GABARAPL1: variants seen among roughly 807,000 people sequenced by gnomAD.
GABARAPL1 encodes the protein gamma-aminobutyric acid receptor-associated protein-like 1.
A neutral mutation model predicts 14.5 loss-of-function variants in GABARAPL1; 4 were observed. That is an observed-to-expected ratio of 0.28 (90% CI 0.14 to 0.63). GABARAPL1 has a LOEUF of 0.63. GABARAPL1 is among the 30% of genes least tolerant of loss of function. GABARAPL1 has a pLI of 0.84. For missense variants in GABARAPL1, 82 were observed against 139.2 expected, an observed-to-expected ratio of 0.59 and a Z score of 2.07; for synonymous variants, 47 against 50.6, an observed-to-expected ratio of 0.93 and a Z score of 0.30.
chr12:10,221,619 CAG>C (rs551136650), intron 3 of GABARAPL1, 166 bp from the exon 4 acceptor site: 151 of 497,664 alleles, frequency 3.0e-4, no homozygotes, highest in African/African-American at 2.6e-3. Flanking sequence ...TTTGTGAACT[CAG>C]AGCTCAAAGT....
rs201159918 is a variant in GABARAPL1, at chr12:10,220,528, C to T, written c.258C>T (p.Pro86=). 1.2e-6 allele frequency: 2 copies of T among 1,614,072 alleles called. No homozygotes were observed. The highest frequency in any genetic ancestry group is 1.7e-6 in the Non-Finnish European group (2 of 1,180,010). The change falls in exon 3 of 4, where the codon CCC becomes CCT. Residue 86 remains proline, a synonymous_variant. Transcript: ENST00000266458. ...LFFFVNNTIP[P]TSATMGQLYE... is the part of the protein sequence containing the mutation. ...TCTTTGTCAACAACACCATCCCTCC[C>T]ACCAGTGCTACCATGGGCCAACTGT...
At chr12:10,221,494 G>A (rs1469741715) in intron 3 of GABARAPL1, 1 of 902,668 alleles carries the variant, frequency 1.1e-6, no homozygotes, top group East Asian at 1.2e-4. Flanking sequence ...ATATCCATCT[G>A]TGGTATCTAT....
At chr12:10,215,509 C>G (rs1949082407) in intron 1 of GABARAPL1, among the ~76,000 whole-genome samples, 1 of 152,156 alleles carries the variant, frequency 6.6e-6, no homozygotes, top group Admixed American at 6.6e-5. Context: ...GCATCTAGCC[C>G]AGGGGTCTAC....
At chr12:10,213,260 CGCGGGG>C in intron 1 of GABARAPL1, 41 bp downstream of exon 1, 3 of 1,082,204 alleles carry the variant, frequency 2.8e-6, no homozygotes, top group Non-Finnish European at 4.1e-6. Flanking sequence ...GGGAAGGGCC[CGCGGGG>C]GCGGGGGCGG....
Position 10,212,939 on chromosome 12 carries a change from C to T in GABARAPL1, c.-191C>T. The T allele has an allele frequency of 3.5e-6, 2 of 576,756 alleles. No individual in the cohort carries two copies. The highest frequency in any genetic ancestry group is 3.1e-5 in the Admixed American group (1 of 32,080). 35.7% of individuals were successfully genotyped at this position (576,756 alleles called of 1,614,324 possible). A position where few individuals can be genotyped will look rare whatever the true frequency, so the allele number is the denominator to read the frequency against. ...ATTTCTCCATCTGGCTCTCCTCTAC[C>T]TCCAGGCAGGCTCACCCGAGATCCC... On this transcript the variant is annotated 5_prime_UTR_variant, in exon 1 of 4. Transcript: ENST00000266458.
intron 1 of GABARAPL1, among the ~76,000 whole-genome samples, chr12:10,215,455 G>C (rs779241973): frequency 6.6e-6 from 1 of 152,130 alleles, no homozygotes; most frequent in African/African-American, 2.4e-5. Flanking sequence ...CTGAGTATTA[G>C]TCACATTTTA....
chr12:10,218,795 G>A (rs903185511), intron 2 of GABARAPL1, among the ~76,000 whole-genome samples: 8 of 151,294 alleles, frequency 5.3e-5, no homozygotes, highest in Admixed American at 6.6e-5. Context: ...TGCAACCTCC[G>A]TCTCCTGGAT....
chr12:10,220,527 C>G lies in GABARAPL1; in HGVS notation c.257C>G (p.Pro86Arg), dbSNP rs1490903180. The G allele has an allele frequency of 1.2e-6, 2 of 1,614,048 alleles. No homozygotes were observed. Among genetic ancestry groups the G allele is most frequent in the South Asian group, 2.2e-5 (2 of 91,068 alleles). The change falls in exon 3 of 4, where the codon CCC becomes CGC. Residue 86 changes from proline to arginine, a missense_variant. Physicochemically the swap from Pro to Arg is moderately radical, Grantham distance 103 (BLOSUM62 -2). Transcript: ENST00000266458. ...TTCTTTGTCAACAACACCATCCCTC[C>G]CACCAGTGCTACCATGGGCCAACTG... ...LFFFVNNTIP[P>R]TSATMGQLYE...
At chr12:10,219,746 A>T (rs1353974006) in intron 2 of GABARAPL1, among the ~76,000 whole-genome samples, 2 of 152,132 alleles carry the variant, frequency 1.3e-5, no homozygotes, top group East Asian at 3.9e-4. Context: ...GATTGCAGTG[A>T]GCCGAGATTT....
intron 1 of GABARAPL1, 186 bp downstream of exon 1, chr12:10,213,405 C>T: frequency 1.5e-6 from 1 of 674,452 alleles, no homozygotes; most frequent in Non-Finnish European, 2.7e-6. Context: ...TTTTAAAACC[C>T]CGTATGCCTG....
At chr12:10,213,432 TC>T (rs1480548282) in intron 1 of GABARAPL1, 1 of 616,298 alleles carries the variant, frequency 1.6e-6, no homozygotes, top group Non-Finnish European at 3.0e-6. Flanking sequence ...GAACCCCACT[TC>T]AGGGCTGACG....
At chr12:10,220,725 T>C (rs7301041) in intron 3 of GABARAPL1, 167 bp downstream of exon 3, 1 of 1,527,624 alleles carries the variant, frequency 6.5e-7, no homozygotes, top group African/African-American at 1.4e-5. Flanking sequence ...ATTAGATACC[T>C]CTTGTTTTTT....
chr12:10,217,919 G>A, intron 1 of GABARAPL1, 144 bp from the exon 2 acceptor site: 1 of 625,812 alleles, frequency 1.6e-6, no homozygotes, highest in South Asian at 1.8e-5. Context: ...TTTTATAAGG[G>A]GTGGGGGGAT....
chr12:10,216,710 T>C (rs1949092164), intron 1 of GABARAPL1, among the ~76,000 whole-genome samples: 1 of 151,910 alleles, frequency 6.6e-6, no homozygotes, highest in Non-Finnish European at 1.5e-5. Context: ...CTGGCTAATT[T>C]TGTATTTTTA....
chr12:10,213,392 A>G, intron 1 of GABARAPL1, 173 bp downstream of exon 1: 1 of 687,092 alleles, frequency 1.5e-6, no homozygotes, highest in Non-Finnish European at 2.7e-6. Flanking sequence ...CAGACTGTAG[A>G]GCTTTTAAAA....
At chr12:10,221,455 A>G (rs61918138) in intron 3 of GABARAPL1, 21,291 of 929,068 alleles carry the variant, frequency 0.023, 291 homozygotes, top group South Asian at 0.056. Context: ...TGCATAGCAT[A>G]TATTCCCTGT....
chr12:10,216,598 G>C (rs908027108), intron 1 of GABARAPL1, among the ~76,000 whole-genome samples: 1 of 141,990 alleles, frequency 7.0e-6, no homozygotes, highest in Admixed American at 7.4e-5. Context: ...GGAGTGTAGT[G>C]GCACGATCTT....
intron 2 of GABARAPL1, among the ~76,000 whole-genome samples, chr12:10,218,902 G>A (rs961702564): frequency 2.6e-5 from 4 of 151,656 alleles, no homozygotes; most frequent in Non-Finnish European, 5.9e-5. Context: ...AGTAGAGACA[G>A]GGTTTCACCA....
chr12:10,221,968 A>ATC lies in GABARAPL1; in HGVS notation c.*118_*119dup. On this transcript the variant is annotated 3_prime_UTR_variant, in exon 4 of 4. Transcript: ENST00000266458. ...CCGCAAGGAGACAGAAGGTGAAGACATCTAGAAACATTACACCACACACAC... is the reference window on the plus strand; with the variant it reads ...CCGCAAGGAGACAGAAGGTGAAGACATCTCTAGAAACATTACACCACACACAC... The ATC allele has an allele frequency of 1.2e-6, 1 of 812,420 alleles. No individual in the cohort carries two copies. The highest frequency in any genetic ancestry group is 1.4e-5 in the South Asian group (1 of 69,338). 50.3% of individuals were successfully genotyped at this position (812,420 alleles called of 1,614,324 possible). A position where few individuals can be genotyped will look rare whatever the true frequency, so the allele number is the denominator to read the frequency against.
Sources: allele counts gnomAD v4.1 joint callset (sites outside exome capture counted in the v4.1 genomes callset), GRCh38; gene constraint gnomAD v4.1.1; transcripts MANE v1.5; gene names NCBI Gene and HGNC (gene_info 2026-07-23, HGNC 2026-07-21).